MAST4: variants seen among roughly 807,000 people sequenced by gnomAD.
MAST4 encodes the protein microtubule-associated serine/threonine-protein kinase 4.
A neutral mutation model predicts 162.7 loss-of-function variants in MAST4; 89 were observed. That is an observed-to-expected ratio of 0.55 (90% CI 0.46 to 0.65). MAST4 has a LOEUF of 0.65. MAST4 is among the 30% of genes least tolerant of loss of function. MAST4 has a pLI of 0.00. For missense variants in MAST4, 3,153 were observed against 3,374.0 expected, an observed-to-expected ratio of 0.93 and a Z score of 1.62; for synonymous variants, 1,479 against 1,361.1, an observed-to-expected ratio of 1.09 and a Z score of -1.91.
chr5:66,972,437 C>G (rs181129406), intron 4 of MAST4, among the ~76,000 whole-genome samples: 12 of 152,206 alleles, frequency 7.9e-5, no homozygotes, highest in African/African-American at 2.6e-4. Flanking sequence ...GTTTTTTTCT[C>G]TCCTCTTTAT....
At chr5:66,922,896 C>T (rs1561448866) in intron 4 of MAST4, among the ~76,000 whole-genome samples, 2 of 152,138 alleles carry the variant, frequency 1.3e-5, no homozygotes, top group South Asian at 4.1e-4. Flanking sequence ...CACATGTTCC[C>T]CAACCTCCAA....
chr5:66,618,611 AG>A (rs1743872350), intron 1 of MAST4, among the ~76,000 whole-genome samples: 1 of 152,324 alleles, frequency 6.6e-6, no homozygotes, highest in Admixed American at 6.5e-5. Context: ...TCTGTATTGA[AG>A]GGAGACAGAC....
chr5:67,070,296 A>G (rs1201401367), intron 5 of MAST4, among the ~76,000 whole-genome samples: 2 of 152,210 alleles, frequency 1.3e-5, no homozygotes, highest in East Asian at 1.9e-4. Flanking sequence ...TCACATAAGC[A>G]GTATCAGTCT....
intron 4 of MAST4, among the ~76,000 whole-genome samples, chr5:67,049,018 T>TAC: frequency 1.7e-5 from 2 of 117,814 alleles, no homozygotes; most frequent in African/African-American, 7.0e-5. Context: ...CATATATATA[T>TAC]ATACGTATAT....
intron 1 of MAST4, among the ~76,000 whole-genome samples, chr5:66,700,753 A>G (rs1217000021): frequency 2.0e-5 from 3 of 151,012 alleles, no homozygotes; most frequent in African/African-American, 4.9e-5. Context: ...CTCTGTATGG[A>G]AATGAGGCTG....
chr5:66,987,426 A>G (rs1372186663), intron 4 of MAST4, among the ~76,000 whole-genome samples: 2 of 54,314 alleles, frequency 3.7e-5, no homozygotes, highest in African/African-American at 1.1e-4. Flanking sequence ...AAATAATTAT[A>G]ATACCCTTTT....
At chr5:66,962,447 C>T (rs142936073) in intron 4 of MAST4, among the ~76,000 whole-genome samples, 1 of 152,330 alleles carries the variant, frequency 6.6e-6, no homozygotes, top group African/African-American at 2.4e-5. Context: ...GTGGCTTACG[C>T]CTGTAATCCC....
chr5:66,842,856 T>G (rs1489165955), intron 3 of MAST4, among the ~76,000 whole-genome samples: 1 of 152,198 alleles, frequency 6.6e-6, no homozygotes, highest in Non-Finnish European at 1.5e-5. Context: ...TCAAATTTCA[T>G]GCACATTCTA....
intron 4 of MAST4, among the ~76,000 whole-genome samples, chr5:66,995,478 A>G (rs1271568625): frequency 2.0e-5 from 3 of 152,086 alleles, no homozygotes; most frequent in Non-Finnish European, 4.4e-5. Context: ...ATCTTTGCTC[A>G]CTGCAAAATC....
chr5:67,157,197 C>A lies in MAST4; in HGVS notation c.3649-3259C>A, dbSNP rs376290495. On this transcript the variant is annotated intron_variant, in intron 26 of 28. Transcript: ENST00000403625. Reference sequence around the variant, plus strand: ...GGCAGGCTTCACAAATCTCACCTATCATTTTTCCAATCATTTACCATTTTT... The same window carrying A: ...GGCAGGCTTCACAAATCTCACCTATAATTTTTCCAATCATTTACCATTTTT... Among the ~76,000 whole-genome samples, 26 of 152,336 alleles carry A rather than the reference C, an allele frequency of 1.7e-4. 1 individual carries two copies. The East Asian group carries it at 4.6e-3, about 27-fold the overall frequency.
chr5:66,947,056 T>C (rs1744113769), intron 4 of MAST4, among the ~76,000 whole-genome samples: 1 of 152,162 alleles, frequency 6.6e-6, no homozygotes, highest in Non-Finnish European at 1.5e-5. Context: ...TTTATGAGGC[T>C]CCTGGTAACT....
intron 10 of MAST4, among the ~76,000 whole-genome samples, chr5:67,106,725 T>A (rs1309266779): frequency 6.6e-6 from 1 of 152,192 alleles, no homozygotes. Context: ...CCTGTTGCTG[T>A]GCCCTTCCTC....
At chr5:67,014,581 C>G (rs983572880) in intron 4 of MAST4, among the ~76,000 whole-genome samples, 1 of 152,168 alleles carries the variant, frequency 6.6e-6, no homozygotes, top group African/African-American at 2.4e-5. Context: ...TTGTAGCATT[C>G]TTTCTCAATA....
chr5:66,888,658 C>T (rs988878191), intron 3 of MAST4, among the ~76,000 whole-genome samples: 1 of 152,102 alleles, frequency 6.6e-6, no homozygotes, highest in African/African-American at 2.4e-5. Flanking sequence ...AAATTAGGGG[C>T]AGTTGAAATG....
intron 4 of MAST4, chr5:67,001,917 C>G (rs1751343239): frequency 6.6e-6 from 1 of 152,186 alleles, no homozygotes; most frequent in Non-Finnish European, 1.5e-5. Context: ...CTGCTTGTTC[C>G]CTAAATTTTT....
chr5:66,779,393 CTTTTTTTTTT>C (rs57118930), intron 2 of MAST4, among the ~76,000 whole-genome samples: 2 of 116,710 alleles, frequency 1.7e-5, no homozygotes, highest in African/African-American at 3.2e-5. Context: ...ACACATAGCA[CTTTTTTTTTT>C]TTTTTTTTTT....
At chr5:67,079,945 G>A (rs1198857182) in intron 5 of MAST4, among the ~76,000 whole-genome samples, 1 of 152,214 alleles carries the variant, frequency 6.6e-6, no homozygotes, top group African/African-American at 2.4e-5. Flanking sequence ...AAGGCTACCA[G>A]GGGTCTGCAA....
chr5:66,723,727 G>T (rs1010352034), intron 1 of MAST4, among the ~76,000 whole-genome samples: 1 of 152,114 alleles, frequency 6.6e-6, no homozygotes, highest in Non-Finnish European at 1.5e-5. Context: ...TAAGTAGATT[G>T]TTCCTTTTTA....
chr5:66,878,767 G>A (rs574091513), intron 3 of MAST4, among the ~76,000 whole-genome samples: 129 of 152,334 alleles, frequency 8.5e-4, no homozygotes, highest in Admixed American at 2.9e-3. Context: ...TATGGACCTA[G>A]GTAAAGCTGC....
Sources: allele counts gnomAD v4.1 joint callset (sites outside exome capture counted in the v4.1 genomes callset), GRCh38; gene constraint gnomAD v4.1.1; transcripts MANE v1.5; gene names NCBI Gene and HGNC (gene_info 2026-07-23, HGNC 2026-07-21).